PCYT1A: variants seen among roughly 807,000 people sequenced by gnomAD.
PCYT1A encodes the protein choline-phosphate cytidylyltransferase A.
In PCYT1A, 25 loss-of-function variants were observed where a neutral mutation model predicts 43.7. That is an observed-to-expected ratio of 0.57 (90% CI 0.42 to 0.80). PCYT1A has a LOEUF of 0.80. PCYT1A is among the 30% of genes least tolerant of loss of function. PCYT1A has a pLI of 0.00. For missense variants in PCYT1A, 421 were observed against 474.2 expected, an observed-to-expected ratio of 0.89 and a Z score of 1.04; for synonymous variants, 172 against 170.7, an observed-to-expected ratio of 1.01 and a Z score of -0.06.
rs952510505 is a variant in PCYT1A at position 196,235,266 on chromosome 3, A to G, written c.*3422T>C. The G allele has an allele frequency of 1.3e-5, 2 of 152,280 alleles. No homozygotes were observed. The highest frequency in any genetic ancestry group is 4.8e-5 in the African/African-American group (2 of 41,430). The allele number at this position is 152,280 out of a possible 1,614,324, so 9.4% of individuals were successfully genotyped here. A position where few individuals can be genotyped will look rare whatever the true frequency, so the allele number is the denominator to read the frequency against. ...GTGCAGCCTCCAAAAAAAAATCACT[A>G]TCGCTCAGGTGCAGCCCCCCAAAAA... is the stretch of plus-strand genomic sequence containing the variant. On this transcript the variant is annotated 3_prime_UTR_variant, in exon 9 of 9. Transcript: ENST00000431016. This position sits in a 1 kb window ranked among gnomAD's most constrained non-coding sequence, Gnocchi z 4.3.
intron 2 of PCYT1A, among the ~76,000 whole-genome samples, chr3:196,260,709 G>A (rs1402092922): frequency 6.6e-6 from 1 of 152,136 alleles, no homozygotes; most frequent in East Asian, 1.9e-4. Flanking sequence ...AGGTGGCGTG[G>A]TGCATGCCTG....
chr3:196,255,242 C>T (rs531882152), intron 3 of PCYT1A, among the ~76,000 whole-genome samples: 1 of 152,254 alleles, frequency 6.6e-6, no homozygotes, highest in South Asian at 2.1e-4. Context: ...TAATTTGTGG[C>T]TGTTTGTTCC....
Position 196,247,666 on chromosome 3 carries a change from G to T in PCYT1A, c.335-148C>A. 1.3e-6 allele frequency: 1 copy of T among 750,454 alleles called. No individual in the cohort carries two copies. The highest frequency in any genetic ancestry group is 2.4e-6 in the Non-Finnish European group (1 of 423,802). The allele number at this position is 750,454 out of a possible 1,614,324, so 46.5% of individuals were successfully genotyped here. ...AGTCTTCTAAAGGTGGTTGAACCTGGGTGATAACGCTTTTCCTAATGCAGC... is the reference window on the plus strand; with the variant it reads ...AGTCTTCTAAAGGTGGTTGAACCTGTGTGATAACGCTTTTCCTAATGCAGC... On this transcript the variant is annotated intron_variant, in intron 4 of 8. Transcript: ENST00000431016. This position sits in a 1 kb window ranked among gnomAD's most constrained non-coding sequence, Gnocchi z 4.8.
chr3:196,245,969 A>G (rs1042358800), intron 5 of PCYT1A, among the ~76,000 whole-genome samples: 3 of 150,586 alleles, frequency 2.0e-5, no homozygotes, highest in African/African-American at 7.4e-5. Context: ...AAAAAAAAAG[A>G]ATGGGACAAG....
chr3:196,257,641 C>T lies in PCYT1A; in HGVS notation c.217+147G>A, dbSNP rs577134699. 4.5e-5 allele frequency: 25 copies of T among 557,152 alleles called. No individual in the cohort carries two copies. The South Asian group carries it at 5.4e-4, about 12-fold the overall frequency. 34.5% of individuals were successfully genotyped at this position (557,152 alleles called of 1,614,324 possible). A position where few individuals can be genotyped will look rare whatever the true frequency, so the allele number is the denominator to read the frequency against. On this transcript the variant is annotated intron_variant, in intron 3 of 8. Coordinates refer to ENST00000431016, the MANE Select transcript of PCYT1A (RefSeq NM_001312673.2). ...AGTGGAGTTACCCTTCTAAATAGAA[C>T]ATCAAGACAGGTGAGAAGAACCCCT...
chr3:196,261,327 T>C (rs1334708243), intron 2 of PCYT1A, among the ~76,000 whole-genome samples: 1 of 152,172 alleles, frequency 6.6e-6, no homozygotes, highest in Admixed American at 6.6e-5. Flanking sequence ...ATGGTTAAAA[T>C]AGTGAATTTT....
chr3:196,242,248 G>T lies in PCYT1A; in HGVS notation c.566-158C>A. 1 of 726,940 alleles carries T rather than the reference G, an allele frequency of 1.4e-6. No individual in the cohort carries two copies. Among genetic ancestry groups the T allele is most frequent in the Non-Finnish European group, 2.3e-6 (1 of 434,882 alleles). The allele number at this position is 726,940 out of a possible 1,614,324, so 45.0% of individuals were successfully genotyped here. On this transcript the variant is annotated intron_variant, in intron 6 of 8. Transcript: ENST00000431016. This position sits in a 1 kb window ranked among gnomAD's most constrained non-coding sequence, Gnocchi z 4.2. ...GAAAGATACTGATATACAGAAGGTA[G>T]ACCGAATCAAAGGCCAGAGGTAAGG...
At chr3:196,265,928 G>A (rs1443568460) in intron 2 of PCYT1A, among the ~76,000 whole-genome samples, 1 of 151,234 alleles carries the variant, frequency 6.6e-6, no homozygotes, top group Non-Finnish European at 1.5e-5. Context: ...TAGTAGAGAC[G>A]AGGTTTCGTC....
chr3:196,256,849 A>G lies in PCYT1A; in HGVS notation c.217+939T>C, dbSNP rs1055469801. 2.6e-5 allele frequency among the ~76,000 whole-genome samples: 4 copies of G among 152,108 alleles called. No individual in the cohort carries two copies. In the East Asian group the frequency reaches 5.8e-4, roughly 22 times the overall value. ...GAGCCACCACTCCTGGCCCACTTCT[A>G]TTTGTATTTCACTGTTCTTCAGTTA... On this transcript the variant is annotated intron_variant, in intron 3 of 8. Transcript: ENST00000431016.
intron 1 of PCYT1A, among the ~76,000 whole-genome samples, chr3:196,284,311 C>T (rs1462899802): frequency 6.6e-6 from 1 of 152,186 alleles, no homozygotes; most frequent in Non-Finnish European, 1.5e-5. Context: ...GGTTATTCAG[C>T]TCCCTAGGGA....
At chr3:196,259,303 T>A (rs1040985080) in intron 2 of PCYT1A, among the ~76,000 whole-genome samples, 2 of 152,168 alleles carry the variant, frequency 1.3e-5, no homozygotes, top group Admixed American at 1.3e-4. Context: ...CTTGGTTAGT[T>A]TTTGCAACTT....
intron 1 of PCYT1A, among the ~76,000 whole-genome samples, chr3:196,270,941 G>A (rs1407411321): frequency 6.6e-6 from 1 of 152,188 alleles, no homozygotes; most frequent in African/African-American, 2.4e-5. Flanking sequence ...GCAATGTGAA[G>A]GTATGACTGG....
At chr3:196,283,163 C>G (rs1426239006) in intron 1 of PCYT1A, among the ~76,000 whole-genome samples, 1 of 152,122 alleles carries the variant, frequency 6.6e-6, no homozygotes, top group Non-Finnish European at 1.5e-5. Context: ...CATGATGAAA[C>G]CCCGTCTCTA....
rs1448379555 is a variant in PCYT1A, at chr3:196,241,403, G to T, written c.708+545C>A. The T allele has an allele frequency of 6.5e-6, 4 of 615,064 alleles. No homozygotes were observed. In the East Asian group the frequency reaches 2.0e-4, roughly 31 times the overall value. The allele number at this position is 615,064 out of a possible 1,614,324, so 38.1% of individuals were successfully genotyped here. A position where few individuals can be genotyped will look rare whatever the true frequency, so the allele number is the denominator to read the frequency against. On this transcript the variant is annotated intron_variant, in intron 7 of 8. Coordinates refer to ENST00000431016, the MANE Select transcript of PCYT1A (RefSeq NM_001312673.2). Reference sequence around the variant, plus strand: ...GTCTCGCTATGTTGCCCCCAGACTGGTCTCAAACTCCTGGCCTCAAGCAGT... The same window carrying T: ...GTCTCGCTATGTTGCCCCCAGACTGTTCTCAAACTCCTGGCCTCAAGCAGT...
At position 196,242,336 on chromosome 3, in the gene PCYT1A, G is replaced by T. The variant is rs1331321307; in HGVS notation, c.565+226C>A. On this transcript the variant is annotated intron_variant, in intron 6 of 8. Transcript: ENST00000431016. This position sits in a 1 kb window ranked among gnomAD's most constrained non-coding sequence, Gnocchi z 4.2. Reference sequence around the variant, plus strand: ...ATGAGAAAGGGTTTCCTGAAATTAAGAGAGATATCCAAAGTAGATGTTTAG... The same window carrying T: ...ATGAGAAAGGGTTTCCTGAAATTAATAGAGATATCCAAAGTAGATGTTTAG... The T allele has an allele frequency of 1.5e-6, 1 of 667,146 alleles. No individual in the cohort carries two copies. The highest frequency in any genetic ancestry group is 2.7e-6 in the Non-Finnish European group (1 of 368,576). 41.3% of individuals were successfully genotyped at this position (667,146 alleles called of 1,614,324 possible). A position where few individuals can be genotyped will look rare whatever the true frequency, so the allele number is the denominator to read the frequency against.
At chr3:196,284,513 C>T (rs1299691266) in intron 1 of PCYT1A, among the ~76,000 whole-genome samples, 5 of 152,200 alleles carry the variant, frequency 3.3e-5, no homozygotes, top group African/African-American at 1.2e-4. Context: ...AGCAATAATG[C>T]TTTCCATACA....
chr3:196,245,095 C>CATAAATAAATAAATAAATAA (rs147083544), intron 5 of PCYT1A, among the ~76,000 whole-genome samples: 16 of 147,926 alleles, frequency 1.1e-4, no homozygotes, highest in African/African-American at 2.7e-4. Context: ...AATAAAAATA[C>CATAAATAAATAAATAAATAA]ATAAATAAAT....
chr3:196,261,667 G>A (rs1421072159), intron 2 of PCYT1A, among the ~76,000 whole-genome samples: 2 of 151,886 alleles, frequency 1.3e-5, no homozygotes, highest in Non-Finnish European at 2.9e-5. Context: ...GTGCATGCCT[G>A]CAATCCCAGC....
At chr3:196,243,987 G>C (rs1488619509) in intron 5 of PCYT1A, among the ~76,000 whole-genome samples, 4 of 152,234 alleles carry the variant, frequency 2.6e-5, no homozygotes, top group Admixed American at 2.0e-4. Flanking sequence ...GTCTCTGCCT[G>C]GCCGCCCATC....
Sources: gnomAD v4.1 joint callset for allele counts (sites outside exome capture counted in the v4.1 genomes callset) on GRCh38, gnomAD v4.1.1 for gene constraint, Gnocchi (gnomAD v3.1) non-coding constraint, MANE v1.5 for transcripts, NCBI Gene and HGNC (gene_info 2026-07-23, HGNC 2026-07-21) for gene names.